The following SLCO1A2 variants were observed in gnomAD, a reference collection of about 807,000 sequenced individuals.
SLCO1A2 encodes OATP-1.
In SLCO1A2, 67 loss-of-function variants were observed where a neutral mutation model predicts 69.0. The observed-to-expected ratio is 0.97, with a 90% CI of 0.80 to 1.19. The LOEUF is 1.19. Ranked by LOEUF, SLCO1A2 falls within the 50% of genes most tolerant of loss-of-function variation. The probability of loss-of-function intolerance (pLI) is 0.00; values close to 1 mark genes in which losing one functional copy is unlikely to be tolerated. For missense variants in SLCO1A2, 787 were observed against 793.7 expected (o/e 0.99, Z 0.10); for synonymous variants, 260 against 265.9 (o/e 0.98, Z 0.22).
upstream of SLCO1A2, chr12:21,419,611 A>C (rs2137217817): frequency 6.0e-6 from 1 of 166,076 alleles, no homozygotes; most frequent in East Asian, 1.8e-4. Flanking sequence ...GCAGTCTGAG[A>C]TCAATCTGCA....
intron 12 of SLCO1A2, among the ~76,000 whole-genome samples, chr12:21,276,109 T>C (rs1160612854): frequency 3.3e-5 from 5 of 152,168 alleles, no homozygotes; most frequent in Non-Finnish European, 5.9e-5. Context: ...TAATTTATGC[T>C]ATAAGAGAAT....
At chr12:21,270,446 AT>A (rs1332422209) in intron 14 of SLCO1A2, among the ~76,000 whole-genome samples, 2 of 151,604 alleles carry the variant, frequency 1.3e-5, no homozygotes, top group Non-Finnish European at 3.0e-5. Flanking sequence ...TAGCCTACAA[AT>A]TTTTTTCTTG....
upstream of SLCO1A2, among the ~76,000 whole-genome samples, chr12:21,337,704 C>A (rs1952939248): frequency 6.6e-6 from 1 of 151,922 alleles, no homozygotes; most frequent in Admixed American, 6.6e-5. Context: ...CATGTAGAAT[C>A]AACAATGGCT....
Position 21,334,689 on chromosome 12 carries a change from T to G in SLCO1A2, c.-42A>C. 1.3e-6 allele frequency: 2 copies of G among 1,523,210 alleles called. No homozygotes were observed. The highest frequency in any genetic ancestry group is 1.8e-6 in the Non-Finnish European group (2 of 1,108,558). 94.4% of individuals were successfully genotyped at this position (1,523,210 alleles called of 1,614,324 possible). ...TTCCAAGCTATTTATGTTTTAAATC[T>G]TGATATGTCTTACTTCTACCCTTTC... On this transcript the variant is annotated 5_prime_UTR_variant, in exon 2 of 15. Transcript: ENST00000683939.
At chr12:21,396,865 G>C (rs1941484124), upstream of SLCO1A2, among the ~76,000 whole-genome samples, 2 of 152,202 alleles carry the variant, frequency 1.3e-5, no homozygotes, top group Middle Eastern at 3.4e-3. Context: ...AAGAGCTCCT[G>C]AAGGAAGCAC....
chr12:21,360,531 G>T (rs747029251), intron 2 of SLCO1A2, among the ~76,000 whole-genome samples: 1 of 152,216 alleles, frequency 6.6e-6, no homozygotes, highest in African/African-American at 2.4e-5. Flanking sequence ...GAGGTACCAG[G>T]TTCATCTCAC....
At chr12:21,298,583 T>C (rs1037264655) in intron 8 of SLCO1A2, among the ~76,000 whole-genome samples, 4 of 152,324 alleles carry the variant, frequency 2.6e-5, no homozygotes, top group Non-Finnish European at 5.9e-5. Context: ...AAATGAGTTA[T>C]AATTGTAAAA....
chr12:21,304,312 C>G (rs1949081958), intron 6 of SLCO1A2, 115 bp downstream of exon 6: 2 of 801,000 alleles, frequency 2.5e-6, no homozygotes, highest in Non-Finnish European at 3.9e-6. Context: ...CCAACTGTGC[C>G]AAGATACTCT....
intron 1 of SLCO1A2, among the ~76,000 whole-genome samples, chr12:21,392,407 G>C (rs1339292807): frequency 1.3e-5 from 2 of 152,088 alleles, no homozygotes; most frequent in African/African-American, 2.4e-5. Context: ...TGCCTTTTAG[G>C]CTTCTTAAAT....
intron 12 of SLCO1A2, among the ~76,000 whole-genome samples, chr12:21,288,240 A>T (rs1231348537): frequency 6.6e-6 from 1 of 152,070 alleles, no homozygotes; most frequent in African/African-American, 2.4e-5. Flanking sequence ...TCAGGACTTC[A>T]AGACCAGCCG....
intron 4 of SLCO1A2, chr12:21,311,785 G>T (rs1469953797): frequency 1.3e-5 from 2 of 152,466 alleles, no homozygotes; most frequent in African/African-American, 4.8e-5. Context: ...AATTAACTGG[G>T]CGTGGTGGTA....
At chr12:21,305,445 C>T (rs2136513394) in intron 5 of SLCO1A2, among the ~76,000 whole-genome samples, 1 of 152,322 alleles carries the variant, frequency 6.6e-6, no homozygotes, top group South Asian at 2.1e-4. Context: ...CCAGGAATTT[C>T]TTGTGAGTGC....
intron 12 of SLCO1A2, among the ~76,000 whole-genome samples, chr12:21,285,552 C>T (rs1337006758): frequency 8.9e-5 from 12 of 134,994 alleles, no homozygotes; most frequent in African/African-American, 2.5e-4. Flanking sequence ...AGAGACACAA[C>T]CAAAAAAGAG....
At chr12:21,300,274 G>A in intron 8 of SLCO1A2, 74 bp downstream of exon 8, 1 of 1,099,572 alleles carries the variant, frequency 9.1e-7, no homozygotes, top group Non-Finnish European at 1.3e-6. Flanking sequence ...ATATCATAGT[G>A]TTAGACTAAA....
At chr12:21,344,408 T>G (rs1251311926) in intron 2 of SLCO1A2, among the ~76,000 whole-genome samples, 2 of 152,120 alleles carry the variant, frequency 1.3e-5, no homozygotes, top group Admixed American at 6.6e-5. Context: ...CTTGGTTCTA[T>G]TCTAGTTGCC....
chr12:21,359,401 G>C (rs1474046596), intron 2 of SLCO1A2, among the ~76,000 whole-genome samples: 1 of 146,734 alleles, frequency 6.8e-6, no homozygotes, highest in Non-Finnish European at 1.5e-5. Flanking sequence ...AAACATTAGT[G>C]AAAAAAAAAA....
At chr12:21,373,515 C>A in intron 2 of SLCO1A2, 1 of 904,994 alleles carries the variant, frequency 1.1e-6, no homozygotes, top group Non-Finnish European at 1.9e-6. Flanking sequence ...ATAACTACAG[C>A]CTTAGATTTC....
At position 21,382,699 on chromosome 12, in the gene SLCO1A2, A is replaced by T. The variant is rs1192123495; in HGVS notation, c.-189-8174T>A. Among the ~76,000 whole-genome samples the T allele has an allele frequency of 6.6e-5, 10 of 150,856 alleles. No individual in the cohort carries two copies. In the Admixed American group the frequency reaches 6.6e-4, roughly 10 times the overall value. ...AATCCCAGATACTTGGGAGGCTGAGACGGGAGAGTCGCTTGAACCTGGGAG... is the reference window on the plus strand; with the variant it reads ...AATCCCAGATACTTGGGAGGCTGAGTCGGGAGAGTCGCTTGAACCTGGGAG... On this transcript the variant is annotated intron_variant, in intron 1 of 15. Transcript: ENST00000307378.
Position 21,274,461 on chromosome 12 carries a change from A to G in SLCO1A2, c.1793+8T>C, listed in dbSNP as rs1565461498. The stretch of plus-strand genomic sequence containing the variant: ...ATAAAACAATTTTAAACAAATTATT[A>G]TCTTTACCTGAAGGTGGTGGAATCA... On this transcript the variant is annotated splice_region_variant and intron_variant, in intron 14 of 14. Transcript: ENST00000683939. 4 of 1,559,716 alleles carry G rather than the reference A, an allele frequency of 2.6e-6. No homozygotes were observed. Among genetic ancestry groups the G allele is most frequent in the Non-Finnish European group, 3.5e-6 (4 of 1,130,678 alleles).
Sources: allele counts gnomAD v4.1 joint callset (sites outside exome capture counted in the v4.1 genomes callset), GRCh38; gene constraint gnomAD v4.1.1; transcripts MANE v1.5; gene names NCBI Gene and HGNC (gene_info 2026-07-23, HGNC 2026-07-21).